CNNM2: variants seen among roughly 807,000 people sequenced by gnomAD.
The protein encoded by CNNM2 is metal transporter CNNM2.
A neutral mutation model predicts 66.9 loss-of-function variants in CNNM2; 12 were observed. The ratio of observed to expected loss-of-function variants is 0.18; its 90% confidence interval spans 0.11 to 0.29. The LOEUF is 0.29. Ranked by LOEUF, CNNM2 falls within the 10% of genes least tolerant of loss-of-function variation. The pLI is 1.00. For synonymous variants in CNNM2, 557 were observed against 501.8 expected (o/e 1.11, Z -1.47); for missense variants, 705 against 1,167.7 (o/e 0.60, Z 5.77).
chr10:103,019,766 T>C (rs984791194), intron 1 of CNNM2, among the ~76,000 whole-genome samples: 4 of 152,208 alleles, frequency 2.6e-5, no homozygotes, highest in African/African-American at 9.7e-5. Flanking sequence ...AATACACTGT[T>C]CTATAGCCAT....
chr10:102,924,468 A>G (rs1845775985), intron 1 of CNNM2, among the ~76,000 whole-genome samples: 1 of 152,202 alleles, frequency 6.6e-6, no homozygotes, highest in South Asian at 2.1e-4. Context: ...TTCTTCAAGG[A>G]AAGAATGCAC....
At chr10:102,983,445 A>G (rs2063749075) in intron 1 of CNNM2, among the ~76,000 whole-genome samples, 1 of 150,854 alleles carries the variant, frequency 6.6e-6, no homozygotes, top group South Asian at 2.1e-4. Context: ...GCAGATCACA[A>G]GGTCAGGAGA....
At chr10:102,978,826 G>T (rs1265918699) in intron 1 of CNNM2, among the ~76,000 whole-genome samples, 23 of 152,168 alleles carry the variant, frequency 1.5e-4, no homozygotes, top group Admixed American at 1.4e-3. Context: ...ACATAGGTCA[G>T]TTTTGTTGTT....
chr10:102,961,596 G>A (rs2063380817), intron 1 of CNNM2, among the ~76,000 whole-genome samples: 2 of 151,984 alleles, frequency 1.3e-5, no homozygotes, highest in Admixed American at 6.6e-5. Context: ...AATATAGTGT[G>A]ACTAGCTTAG....
intron 1 of CNNM2, among the ~76,000 whole-genome samples, chr10:103,018,960 T>C (rs1158798566): frequency 6.7e-6 from 1 of 149,410 alleles, no homozygotes; most frequent in Non-Finnish European, 1.5e-5. Context: ...CTGGCCTGTT[T>C]ACTCCTTTCT....
At chr10:102,985,313 A>G (rs1360094045) in intron 1 of CNNM2, among the ~76,000 whole-genome samples, 2 of 151,950 alleles carry the variant, frequency 1.3e-5, no homozygotes, top group Admixed American at 1.3e-4. Flanking sequence ...GTATATTCCT[A>G]TTTTGTCTGA....
intron 1 of CNNM2, among the ~76,000 whole-genome samples, chr10:103,029,300 T>TAAAAA (rs756251100): frequency 2.5e-5 from 3 of 122,318 alleles, no homozygotes; most frequent in Admixed American, 1.7e-4. Flanking sequence ...CATCTCTACT[T>TAAAAA]AAAAAAAAAA....
chr10:102,995,174 T>TTCCTCCTCCTCCTCCC (rs2063971374), intron 1 of CNNM2, among the ~76,000 whole-genome samples: 1 of 117,784 alleles, frequency 8.5e-6, no homozygotes, highest in Non-Finnish European at 1.8e-5. Flanking sequence ...CTCCTCCCCC[T>TTCCTCCTCCTCCTCCC]CTTCCTCCTC....
chr10:102,990,280 C>T (rs915944384), intron 1 of CNNM2, among the ~76,000 whole-genome samples: 2 of 152,042 alleles, frequency 1.3e-5, no homozygotes, highest in Non-Finnish European at 1.5e-5. Flanking sequence ...CCACCGTGCC[C>T]GGTCTTAAAC....
At position 103,089,695 on chromosome 10, in the gene CNNM2, C is replaced by A; in HGVS notation, c.*12515C>A. Reference sequence around the variant, plus strand: ...CCTTATTCTTCCTCCTCCTCCTCCTCTTCATCATCATCTTCGTCATGGCAG... The same window carrying A: ...CCTTATTCTTCCTCCTCCTCCTCCTATTCATCATCATCTTCGTCATGGCAG... On this transcript the variant is annotated 3_prime_UTR_variant, in exon 8 of 8. Transcript: ENST00000369878. 1 of 1,609,710 alleles carries A rather than the reference C, an allele frequency of 6.2e-7. No homozygotes were observed. Among genetic ancestry groups the A allele is most frequent in the Non-Finnish European group, 8.5e-7 (1 of 1,177,896 alleles).
intron 1 of CNNM2, among the ~76,000 whole-genome samples, chr10:102,962,560 C>A (rs370410533): frequency 6.6e-6 from 1 of 152,022 alleles, no homozygotes; most frequent in Non-Finnish European, 1.5e-5. Context: ...AGAAACAATT[C>A]AAATGTTCAA....
chr10:103,021,258 A>G (rs2064574074), intron 1 of CNNM2, among the ~76,000 whole-genome samples: 1 of 152,118 alleles, frequency 6.6e-6, no homozygotes, highest in Admixed American at 6.5e-5. Flanking sequence ...GACGAAGGAG[A>G]CAGAGTGGAG....
intron 1 of CNNM2, among the ~76,000 whole-genome samples, chr10:102,945,911 C>T (rs999705313): frequency 1.3e-5 from 2 of 151,874 alleles, no homozygotes; most frequent in Admixed American, 1.3e-4. Flanking sequence ...TGGAGGTGCT[C>T]AGTCGATATT....
chr10:102,975,934 G>GA (rs1227979965), intron 1 of CNNM2, among the ~76,000 whole-genome samples: 1 of 152,190 alleles, frequency 6.6e-6, no homozygotes, highest in Admixed American at 6.5e-5. Flanking sequence ...CCATAGGGGA[G>GA]AAGAGACTCA....
rs906808317 is a variant in CNNM2, at chr10:103,087,287, T to C, written c.*10107T>C. The C allele has an allele frequency of 5.1e-4, 77 of 151,902 alleles. No individual in the cohort carries two copies. Among genetic ancestry groups the C allele is most frequent in the African/African-American group, 1.8e-3 (73 of 41,346 alleles). 9.4% of individuals were successfully genotyped at this position (151,902 alleles called of 1,614,324 possible). On this transcript the variant is annotated 3_prime_UTR_variant, in exon 8 of 8. Coordinates refer to ENST00000369878, the MANE Select transcript of CNNM2 (RefSeq NM_017649.5). ...AGCTGCCCTGCCTACCCATGGACCA[T>C]TGACTTCCCAGCACACTCTTAAGAA...
At chr10:102,962,628 C>G (rs377647932) in intron 1 of CNNM2, among the ~76,000 whole-genome samples, 1 of 150,320 alleles carries the variant, frequency 6.7e-6, no homozygotes, top group Non-Finnish European at 1.5e-5. Flanking sequence ...TATTACATAG[C>G]TATTAAATAA....
intron 4 of CNNM2, among the ~76,000 whole-genome samples, chr10:103,060,503 C>T (rs2065366460): frequency 1.3e-5 from 2 of 152,152 alleles, no homozygotes; most frequent in Admixed American, 1.3e-4. Context: ...CGAGATCGTG[C>T]CACTGCACTC....
intron 1 of CNNM2, among the ~76,000 whole-genome samples, chr10:102,934,407 A>C (rs1031510974): frequency 6.6e-6 from 1 of 151,386 alleles, no homozygotes; most frequent in Non-Finnish European, 1.5e-5. Flanking sequence ...CAGCCTCCCA[A>C]GTAGCTGGGA....
chr10:103,051,650 T>C (rs1403631077), intron 2 of CNNM2, among the ~76,000 whole-genome samples: 1 of 147,326 alleles, frequency 6.8e-6, no homozygotes, highest in African/African-American at 2.5e-5. Context: ...TGAGGCAGGA[T>C]AATCGCTTGA....
Sources: gnomAD v4.1 joint callset for allele counts (sites outside exome capture counted in the v4.1 genomes callset) on GRCh38, gnomAD v4.1.1 for gene constraint, MANE v1.5 for transcripts, NCBI Gene and HGNC (gene_info 2026-07-23, HGNC 2026-07-21) for gene names.